Variants in DCDC1 observed in about 807,000 individuals in gnomAD.
DCDC1 encodes the protein doublecortin domain containing 1.
A neutral mutation model predicts 178.3 loss-of-function variants in DCDC1; 200 were observed. The observed-to-expected ratio is 1.12, with a 90% CI of 1.00 to 1.26. DCDC1 has a LOEUF of 1.26. Among genes scored for constraint, DCDC1 ranks in the 50% most tolerant of loss-of-function variants. DCDC1 has a pLI of 0.00. For synonymous variants in DCDC1, 690 were observed against 604.8 expected (o/e 1.14, Z -2.07); for missense variants, 1,983 against 1,749.2 (o/e 1.13, Z -2.38).
At chr11:31,028,466 T>C (rs1194980156) in intron 20 of DCDC1, among the ~76,000 whole-genome samples, 1 of 151,984 alleles carries the variant, frequency 6.6e-6, no homozygotes, top group Non-Finnish European at 1.5e-5. Flanking sequence ...GCCCTGTCCA[T>C]CTTTTTTACT....
chr11:31,295,734 G>A (rs1405411323), intron 6 of DCDC1, among the ~76,000 whole-genome samples: 2 of 152,142 alleles, frequency 1.3e-5, no homozygotes, highest in African/African-American at 4.8e-5. Context: ...TCAACTGAGA[G>A]TATTCCCTCA....
intron 1 of DCDC1, among the ~76,000 whole-genome samples, chr11:31,338,892 T>C (rs1018792551): frequency 6.6e-6 from 1 of 152,192 alleles, no homozygotes; most frequent in Non-Finnish European, 1.5e-5. Flanking sequence ...CTTTTTTTCT[T>C]ACCCGTCCTC....
chr11:31,095,501 G>A (rs1958093155), intron 15 of DCDC1, among the ~76,000 whole-genome samples: 1 of 152,170 alleles, frequency 6.6e-6, no homozygotes, highest in African/African-American at 2.4e-5. Flanking sequence ...GCAGATTTTA[G>A]TAAGGTTGAT....
chr11:30,926,677 A>G (rs1310359827), intron 22 of DCDC1, among the ~76,000 whole-genome samples: 1 of 152,232 alleles, frequency 6.6e-6, no homozygotes, highest in Non-Finnish European at 1.5e-5. Context: ...AATTACATAA[A>G]GTTGACTTTA....
intron 9 of DCDC1, among the ~76,000 whole-genome samples, chr11:31,215,953 C>G (rs1313930168): frequency 6.6e-6 from 1 of 151,046 alleles, no homozygotes; most frequent in Non-Finnish European, 1.5e-5. Context: ...TATGGCTGCC[C>G]ATCTCATACC....
chr11:31,226,096 G>T (rs1187725243), intron 9 of DCDC1, among the ~76,000 whole-genome samples: 1 of 151,890 alleles, frequency 6.6e-6, no homozygotes, highest in African/African-American at 2.4e-5. Context: ...ATTTGTATTT[G>T]GAATATAATT....
At chr11:31,334,251 A>G (rs975848872) in intron 2 of DCDC1, among the ~76,000 whole-genome samples, 1 of 152,082 alleles carries the variant, frequency 6.6e-6, no homozygotes, top group African/African-American at 2.4e-5. Context: ...GGTCTTGTCT[A>G]TACTGTTTAT....
intron 9 of DCDC1, among the ~76,000 whole-genome samples, chr11:31,155,412 A>G (rs1418314047): frequency 1.3e-5 from 2 of 152,188 alleles, no homozygotes; most frequent in Non-Finnish European, 2.9e-5. Flanking sequence ...AGTATGTTTG[A>G]GCTATTTGTC....
chr11:31,038,156 T>G (rs1398961751), intron 20 of DCDC1, among the ~76,000 whole-genome samples: 1 of 151,898 alleles, frequency 6.6e-6, no homozygotes. Flanking sequence ...ACATGGCACA[T>G]GCATACATAT....
chr11:30,945,726 ATCTATCTATCTATCTATCTATCTG>A lies in DCDC1; in HGVS notation c.2715+6695_2715+6718del, dbSNP rs1331622641. On this transcript the variant is annotated intron_variant, in intron 21 of 38. Transcript: ENST00000684477. ...TATCTATCTATCTATCTATCTATCT[ATCTATCTATCTATCTATCTATCTG>A]TCTGTCTGTCTATCTATCTATAGAT... Among the ~76,000 whole-genome samples, 1,118 of 148,172 alleles carry A rather than the reference ATCTATCTATCTATCTATCTATCTG, an allele frequency of 7.5e-3. 16 individuals carry two copies. The highest frequency in any genetic ancestry group is 0.028 in the African/African-American group (1,073 of 37,834).
intron 9 of DCDC1, among the ~76,000 whole-genome samples, chr11:31,163,625 C>G (rs1966514315): frequency 6.6e-6 from 1 of 152,086 alleles, no homozygotes; most frequent in Admixed American, 6.6e-5. Context: ...AAAAGAGAGC[C>G]TGAAATAGTA....
chr11:31,019,109 C>A (rs1952691874), intron 20 of DCDC1, among the ~76,000 whole-genome samples: 1 of 152,154 alleles, frequency 6.6e-6, no homozygotes. Context: ...AAGAAAGTTA[C>A]ATCACATCCC....
At chr11:30,882,457 T>A (rs1942774041) in intron 36 of DCDC1, 1 of 149,682 alleles carries the variant, frequency 6.7e-6, no homozygotes, top group Non-Finnish European at 1.5e-5. Context: ...TATTTTTTTA[T>A]CATACTTTAA....
intron 17 of DCDC1, 111 bp downstream of exon 17, chr11:31,091,282 T>C (rs1957805949): frequency 1.8e-6 from 1 of 568,492 alleles, no homozygotes; most frequent in South Asian, 2.3e-5. Context: ...GAACACAAAT[T>C]TAAACATTGA....
intron 20 of DCDC1, among the ~76,000 whole-genome samples, chr11:30,960,822 G>C (rs1375995027): frequency 1.3e-5 from 2 of 152,102 alleles, no homozygotes; most frequent in Non-Finnish European, 1.5e-5. Context: ...AGCTTCAAAG[G>C]CAATTTTATT....
intron 9 of DCDC1, among the ~76,000 whole-genome samples, chr11:31,185,942 T>A (rs1404954368): frequency 6.6e-6 from 1 of 152,200 alleles, no homozygotes; most frequent in African/African-American, 2.4e-5. Flanking sequence ...AATACAACTA[T>A]GAATATAGCA....
chr11:30,975,645 T>C (rs922866637), intron 20 of DCDC1, among the ~76,000 whole-genome samples: 2 of 151,804 alleles, frequency 1.3e-5, no homozygotes, highest in African/African-American at 2.4e-5. Context: ...TACCTAGCAA[T>C]AGATTTAACC....
At chr11:30,921,564 G>A (rs1350428614) in intron 24 of DCDC1, among the ~76,000 whole-genome samples, 1 of 152,156 alleles carries the variant, frequency 6.6e-6, no homozygotes, top group Non-Finnish European at 1.5e-5. Flanking sequence ...CCAAAAGCCT[G>A]TAGCTCCCAC....
intron 20 of DCDC1, among the ~76,000 whole-genome samples, chr11:31,002,957 T>G (rs2135041689): frequency 6.6e-6 from 1 of 152,258 alleles, no homozygotes; most frequent in African/African-American, 2.4e-5. Flanking sequence ...AGCTGTAAAC[T>G]TTATGAAGTA....
Sources: gnomAD v4.1 joint callset for allele counts (sites outside exome capture counted in the v4.1 genomes callset) on GRCh38, gnomAD v4.1.1 for gene constraint, MANE v1.5 for transcripts, NCBI Gene and HGNC (gene_info 2026-07-23, HGNC 2026-07-21) for gene names.